PLXDC2: variants seen among roughly 807,000 people sequenced by gnomAD.
The protein encoded by PLXDC2 is plexin domain containing 2, also known as plexin domain-containing protein 2.
Under a neutral mutation model 68.9 loss-of-function variants are expected in PLXDC2, and 40 were observed. The observed-to-expected ratio is 0.58, with a 90% confidence interval of 0.45 to 0.76. PLXDC2 has a LOEUF of 0.76. Ranked by LOEUF, PLXDC2 falls within the 30% of genes least tolerant of loss-of-function variation. PLXDC2 has a pLI of 0.00. For missense variants in PLXDC2, 644 were observed against 661.9 expected (o/e 0.97, Z 0.30); for synonymous variants, 243 against 234.2 (o/e 1.04, Z -0.34).
chr10:19,966,355 GT>G (rs1379581342), intron 1 of PLXDC2, among the ~76,000 whole-genome samples: 1 of 1,564 alleles, frequency 6.4e-4, no homozygotes, highest in African/African-American at 7.9e-3. Flanking sequence ...ATAAATGTAT[GT>G]ATACACATAT....
intron 4 of PLXDC2, among the ~76,000 whole-genome samples, chr10:20,084,245 CT>C (rs1188349391): frequency 6.6e-6 from 1 of 152,164 alleles, no homozygotes; most frequent in Non-Finnish European, 1.5e-5. Flanking sequence ...GTCCAAAGGG[CT>C]TAGTGACTTT....
intron 13 of PLXDC2, among the ~76,000 whole-genome samples, chr10:20,267,575 G>A (rs2778965): frequency 0.46 from 69,943 of 151,936 alleles, 17,679 homozygotes; most frequent in Middle Eastern, 0.62. Flanking sequence ...TTTGTTAAAA[G>A]TGCTATTTTA....
chr10:20,147,663 C>T (rs1347721626), intron 5 of PLXDC2, 121 bp from the exon 6 acceptor site: 12 of 600,110 alleles, frequency 2.0e-5, no homozygotes, highest in African/African-American at 7.4e-5. Context: ...CACATAAAAT[C>T]GAAATAGTAC....
chr10:20,060,675 A>G (rs1055963782), intron 3 of PLXDC2, among the ~76,000 whole-genome samples: 1 of 150,614 alleles, frequency 6.6e-6, no homozygotes. Context: ...GCCTTTCTCA[A>G]ATTTTCTCTC....
chr10:20,163,916 A>T (rs1257727490), intron 6 of PLXDC2, among the ~76,000 whole-genome samples: 2 of 152,332 alleles, frequency 1.3e-5, no homozygotes, highest in African/African-American at 4.8e-5. Flanking sequence ...AGTAGTTTCA[A>T]CCAGAATGGT....
intron 10 of PLXDC2, among the ~76,000 whole-genome samples, chr10:20,213,637 G>A (rs1320739748): frequency 1.3e-5 from 2 of 151,998 alleles, no homozygotes; most frequent in African/African-American, 2.4e-5. Context: ...AATTACAGAG[G>A]CTTTTAAAAT....
rs976083392 is a variant in PLXDC2 at position 20,158,301 on chromosome 10, A to G, written c.784-6167A>G. On this transcript the variant is annotated intron_variant, in intron 6 of 13. Coordinates refer to ENST00000377252, the MANE Select transcript of PLXDC2 (RefSeq NM_032812.9). ...TATCCTTCTAAATACAGAGTCTTCT[A>G]TAAAATACGTGATCATGACAATAAC... is the stretch of plus-strand genomic sequence containing the variant. Among the ~76,000 whole-genome samples, 3 of 152,126 alleles carry G rather than the reference A, an allele frequency of 2.0e-5. 1 individual carries two copies. In the South Asian group the frequency reaches 6.2e-4, roughly 32 times the overall value.
chr10:19,956,169 T>A (rs1477875673), intron 1 of PLXDC2, among the ~76,000 whole-genome samples: 5 of 152,202 alleles, frequency 3.3e-5, no homozygotes, highest in African/African-American at 1.2e-4. Context: ...AAATACTTTA[T>A]TTGTTTCTGT....
chr10:20,135,689 T>C (rs1833924516), intron 4 of PLXDC2, among the ~76,000 whole-genome samples: 1 of 152,192 alleles, frequency 6.6e-6, no homozygotes, highest in African/African-American at 2.4e-5. Flanking sequence ...CAAATTTTTA[T>C]ATTGGTAATT....
At chr10:20,242,649 G>A (rs1057116739) in intron 12 of PLXDC2, among the ~76,000 whole-genome samples, 17 of 152,000 alleles carry the variant, frequency 1.1e-4, no homozygotes, top group African/African-American at 4.1e-4. Flanking sequence ...AAATGTTTAT[G>A]ATGGCAGATA....
At chr10:19,863,495 A>G (rs1331957508) in intron 1 of PLXDC2, among the ~76,000 whole-genome samples, 1 of 152,188 alleles carries the variant, frequency 6.6e-6, no homozygotes, top group Non-Finnish European at 1.5e-5. Context: ...GAATACAGGG[A>G]GCATCACTGC....
rs1034170020 is a variant in PLXDC2 at position 20,154,127 on chromosome 10, T to C, written c.783+6225T>C. 3.3e-5 allele frequency among the ~76,000 whole-genome samples: 5 copies of C among 152,324 alleles called. No homozygotes were observed. In the South Asian group the frequency reaches 1.0e-3, roughly 32 times the overall value. On this transcript the variant is annotated intron_variant, in intron 6 of 13. Transcript: ENST00000377252. The stretch of plus-strand genomic sequence containing the variant: ...TCTCATTTTCCTATTCTATTAGTAA[T>C]TAGCTATAACCCTAAATCTCAGCTT...
At chr10:20,023,305 A>G (rs1835344380) in intron 2 of PLXDC2, among the ~76,000 whole-genome samples, 1 of 152,094 alleles carries the variant, frequency 6.6e-6, no homozygotes, top group South Asian at 2.1e-4. Context: ...ACTGCTTTAC[A>G]AATTCTTTAT....
chr10:19,871,094 C>T (rs1837526327), intron 1 of PLXDC2, among the ~76,000 whole-genome samples: 1 of 152,160 alleles, frequency 6.6e-6, no homozygotes, highest in Non-Finnish European at 1.5e-5. Flanking sequence ...GGACAGAAGG[C>T]AGGTCTAGAT....
At chr10:20,163,086 G>C (rs1834327866) in intron 6 of PLXDC2, among the ~76,000 whole-genome samples, 1 of 151,908 alleles carries the variant, frequency 6.6e-6, no homozygotes, top group African/African-American at 2.4e-5. Context: ...AAGTATATCA[G>C]ACTTGGATAT....
chr10:19,886,697 C>A (rs1837852640), intron 1 of PLXDC2, among the ~76,000 whole-genome samples: 1 of 152,146 alleles, frequency 6.6e-6, no homozygotes, highest in Non-Finnish European at 1.5e-5. Flanking sequence ...TGGAAGCATT[C>A]CCTTTGAAAA....
chr10:19,995,736 A>G (rs1343658118), intron 1 of PLXDC2, among the ~76,000 whole-genome samples: 4 of 152,290 alleles, frequency 2.6e-5, no homozygotes, highest in East Asian at 3.9e-4. Flanking sequence ...GGTGGTAGAC[A>G]TAAGAATGTT....
chr10:19,946,023 C>G (rs1031970435), intron 1 of PLXDC2, among the ~76,000 whole-genome samples: 4 of 152,182 alleles, frequency 2.6e-5, no homozygotes, highest in African/African-American at 9.7e-5. Context: ...ATTCCCTTTG[C>G]CCGTTGATTA....
chr10:20,017,448 C>A (rs537939561), intron 2 of PLXDC2, among the ~76,000 whole-genome samples: 1 of 152,144 alleles, frequency 6.6e-6, no homozygotes, highest in Non-Finnish European at 1.5e-5. Flanking sequence ...AGTTCCCCTG[C>A]GATGCGATCA....
Sources: allele counts gnomAD v4.1 joint callset (sites outside exome capture counted in the v4.1 genomes callset), GRCh38; gene constraint gnomAD v4.1.1; transcripts MANE v1.5; gene names NCBI Gene and HGNC (gene_info 2026-07-23, HGNC 2026-07-21).